USP7: variants seen among roughly 807,000 people sequenced by gnomAD.
USP7 encodes the protein ubiquitin specific peptidase 7, also known as ubiquitin C-terminal hydrolase 7.
USP7 carries 9 observed loss-of-function variants against 162.9 expected under a neutral mutation model. That is an observed-to-expected ratio of 0.06 (90% confidence interval 0.03 to 0.10). USP7 has a LOEUF of 0.10. Ranked by LOEUF, USP7 falls within the 10% of genes least tolerant of loss-of-function variation. The pLI, the probability that USP7 is intolerant of heterozygous loss-of-function variation, is 1.00. For synonymous variants in USP7, 562 were observed against 475.9 expected, an observed-to-expected ratio of 1.18 and a Z score of -2.35; for missense variants, 715 against 1,373.7, an observed-to-expected ratio of 0.52 and a Z score of 7.58.
intron 2 of USP7, among the ~76,000 whole-genome samples, chr16:8,927,306 G>C (rs1467315099): frequency 2.2e-5 from 3 of 137,524 alleles, no homozygotes; most frequent in African/African-American, 8.1e-5. Flanking sequence ...TGGCCAAAAA[G>C]AAAAAAAGAA....
intron 25 of USP7, among the ~76,000 whole-genome samples, chr16:8,898,054 C>T (rs2061717284): frequency 6.6e-6 from 1 of 152,088 alleles, no homozygotes; most frequent in African/African-American, 2.4e-5. Flanking sequence ...CAGGCCGCGG[C>T]AGGAAGAGCT....
chr16:8,900,437 C>A, intron 21 of USP7, 93 bp downstream of exon 21: 3 of 882,126 alleles, frequency 3.4e-6, no homozygotes, highest in Non-Finnish European at 4.9e-6. Context: ...AAAAACGTGG[C>A]TCGGGATCTA....
At chr16:8,897,521 C>T (rs896197882) in intron 25 of USP7, among the ~76,000 whole-genome samples, 1 of 151,358 alleles carries the variant, frequency 6.6e-6, no homozygotes, top group Non-Finnish European at 1.5e-5. Context: ...CGAATTTTCC[C>T]TCTATACTTG....
At chr16:8,905,395 G>C in intron 13 of USP7, 64 bp from the exon 14 acceptor site, 2 of 1,586,604 alleles carry the variant, frequency 1.3e-6, no homozygotes, top group East Asian at 2.3e-5. Context: ...AACACTAGAA[G>C]GCAGCGTTGT....
chr16:8,943,294 T>C (rs1899129411), intron 1 of USP7, among the ~76,000 whole-genome samples: 1 of 151,348 alleles, frequency 6.6e-6, no homozygotes, highest in Non-Finnish European at 1.5e-5. Flanking sequence ...GGGTTTAATA[T>C]ACAGCACAAG....
In USP7 at chr16:8,895,754, GA is replaced by G. The variant is rs550804234; in HGVS notation, c.2820-14del. 349 of 1,523,284 alleles carry G rather than the reference GA, an allele frequency of 2.3e-4. No homozygotes were observed. The highest frequency in any genetic ancestry group is 9.8e-4 in the East Asian group (41 of 42,050). 94.4% of individuals were successfully genotyped at this position (1,523,284 alleles called of 1,614,324 possible). ...AATTTCTAGCAGCCTGAACAGAGAG[GA>G]AAAAAAAATAGGGCAAAATGAAGTA... On this transcript the variant is annotated splice_polypyrimidine_tract_variant and intron_variant, in intron 26 of 30. Coordinates refer to ENST00000344836, the MANE Select transcript of USP7 (RefSeq NM_003470.3).
Position 8,963,361 on chromosome 16 carries a change from G to GGGAGGC in USP7, c.-77_-76insGCCTCC, listed in dbSNP as rs1445419201. The stretch of plus-strand genomic sequence containing the variant: ...CCGGCGGGCGGGCGGCGGCGAGCCG[G>GGGAGGC]GGCGGCGGCGGCGGCGGCGGCGGCG... On this transcript the variant is annotated 5_prime_UTR_variant, in exon 1 of 31. Coordinates refer to ENST00000344836, the MANE Select transcript of USP7 (RefSeq NM_003470.3). The GGGAGGC allele has an allele frequency of 3.6e-5, 16 of 448,254 alleles. No homozygotes were observed. Among genetic ancestry groups the GGGAGGC allele is most frequent in the Non-Finnish European group, 4.7e-5 (16 of 343,164 alleles). 27.8% of individuals were successfully genotyped at this position (448,254 alleles called of 1,614,324 possible). A position where few individuals can be genotyped will look rare whatever the true frequency, so the allele number is the denominator to read the frequency against.
chr16:8,904,994 T>C (rs896999121), intron 14 of USP7, among the ~76,000 whole-genome samples, 193 bp downstream of exon 14: 1 of 151,978 alleles, frequency 6.6e-6, no homozygotes, highest in Non-Finnish European at 1.5e-5. Context: ...AAATAATCTA[T>C]TAACATGAAA....
chr16:8,897,934 TTC>T (rs1242395132), intron 25 of USP7, among the ~76,000 whole-genome samples: 5 of 151,046 alleles, frequency 3.3e-5, no homozygotes, highest in African/African-American at 1.2e-4. Flanking sequence ...TGGATGCGTC[TTC>T]TGTTTGGAGC....
intron 2 of USP7, among the ~76,000 whole-genome samples, chr16:8,926,631 T>C (rs1415546433): frequency 6.6e-6 from 1 of 152,204 alleles, no homozygotes; most frequent in Non-Finnish European, 1.5e-5. Flanking sequence ...TAGTTAACAG[T>C]ACACTGGATC....
In USP7 at chr16:8,930,406, A is replaced by T; in HGVS notation, c.80-9T>A. ...GTCATCTGTATCTCCCGCTTTAAAG[A>T]AGAAAAAGAAATTCCACGGGTTTTA... On this transcript the variant is annotated splice_polypyrimidine_tract_variant and intron_variant, in intron 1 of 30. Coordinates refer to ENST00000344836, the MANE Select transcript of USP7 (RefSeq NM_003470.3). The T allele has an allele frequency of 6.3e-7, 1 of 1,596,412 alleles. No homozygotes were observed. The highest frequency in any genetic ancestry group is 1.1e-5 in the South Asian group (1 of 89,030).
At chr16:8,913,049 GA>G (rs374382443) in intron 10 of USP7, among the ~76,000 whole-genome samples, 2,358 of 151,926 alleles carry the variant, frequency 0.016, 22 homozygotes, top group Non-Finnish European at 0.023. Flanking sequence ...CAGTGAGAAG[GA>G]AAAAACCTTA....
chr16:8,923,829 T>C (rs977513662), intron 2 of USP7, among the ~76,000 whole-genome samples: 3 of 152,158 alleles, frequency 2.0e-5, no homozygotes, highest in Non-Finnish European at 4.4e-5. Context: ...GGGCTGACTT[T>C]ACAGAGCACG....
chr16:8,911,996 T>C (rs1029169628), intron 10 of USP7, among the ~76,000 whole-genome samples: 3 of 152,130 alleles, frequency 2.0e-5, no homozygotes, highest in African/African-American at 7.2e-5. Flanking sequence ...ATCCCTCAAG[T>C]AAAACCTGTT....
In USP7 at chr16:8,924,399, T is replaced by C. The variant is rs544426093; in HGVS notation, c.185-986A>G. On this transcript the variant is annotated intron_variant, in intron 2 of 30. Coordinates refer to ENST00000344836, the MANE Select transcript of USP7 (RefSeq NM_003470.3). ...TTCACTTTCTGTACCTATCTCATTA[T>C]AGTCTGCACACAGCTCACTGACTGG... Among the ~76,000 whole-genome samples the C allele has an allele frequency of 2.3e-4, 35 of 152,372 alleles. No individual in the cohort carries two copies. The South Asian group carries it at 7.2e-3, about 32-fold the overall frequency.
chr16:8,900,821 G>GT (rs777663313), intron 20 of USP7, 169 bp downstream of exon 20: 35 of 758,962 alleles, frequency 4.6e-5, no homozygotes, highest in South Asian at 8.1e-5. Flanking sequence ...TCTACAACAG[G>GT]TAAAAAAAAA....
At chr16:8,900,717 T>C in intron 20 of USP7, 87 bp from the exon 21 acceptor site, 1 of 948,040 alleles carries the variant, frequency 1.1e-6, no homozygotes, top group Non-Finnish European at 1.6e-6. Flanking sequence ...TTAAGTATTT[T>C]CTCTACACCC....
intron 11 of USP7, among the ~76,000 whole-genome samples, chr16:8,908,937 C>CT (rs1347719382): frequency 1.3e-5 from 2 of 152,236 alleles, no homozygotes; most frequent in African/African-American, 4.8e-5. Context: ...TATAAGCTTC[C>CT]TTTCCTTGGG....
chr16:8,896,903 TC>T (rs1279550550), intron 26 of USP7, 95 bp downstream of exon 26: 11 of 931,400 alleles, frequency 1.2e-5, no homozygotes, highest in Non-Finnish European at 1.9e-5. Flanking sequence ...CGCGCATGGA[TC>T]CCAGCTGGGT....
Sources: gnomAD v4.1 joint callset for allele counts (sites outside exome capture counted in the v4.1 genomes callset) on GRCh38, gnomAD v4.1.1 for gene constraint, MANE v1.5 for transcripts, NCBI Gene and HGNC (gene_info 2026-07-23, HGNC 2026-07-21) for gene names.